The following TBC1D1 variants were observed in gnomAD, a reference collection of about 807,000 sequenced individuals.
TBC1D1 encodes the protein TBC1 (tre-2/USP6, BUB2, cdc16) domain family, member 1.
TBC1D1 carries 89 observed loss-of-function variants against 125.6 expected under a neutral mutation model. The observed-to-expected ratio is 0.71, with a 90% CI of 0.60 to 0.85. The LOEUF is 0.85. Among genes scored for constraint, TBC1D1 ranks in the 40% least tolerant of loss-of-function variants. The pLI, the probability that TBC1D1 is intolerant of heterozygous loss-of-function variation, is 0.00. For missense variants in TBC1D1, 1,377 were observed against 1,469.2 expected, an observed-to-expected ratio of 0.94 and a Z score of 1.03; for synonymous variants, 565 against 564.1, an observed-to-expected ratio of 1.00 and a Z score of -0.02.
chr4:38,125,735 A>G (rs1200595439), intron 18 of TBC1D1, among the ~76,000 whole-genome samples: 1 of 152,200 alleles, frequency 6.6e-6, no homozygotes, highest in African/African-American at 2.4e-5. Flanking sequence ...AATTACAACT[A>G]AACTAGATGG....
chr4:38,080,597 T>G (rs914425884), intron 12 of TBC1D1, among the ~76,000 whole-genome samples: 10 of 152,248 alleles, frequency 6.6e-5, no homozygotes, highest in African/African-American at 2.4e-4. Context: ...AAGGTGGGAC[T>G]GCCCCGCATC....
intron 12 of TBC1D1, among the ~76,000 whole-genome samples, chr4:38,061,086 G>A (rs1468743797): frequency 6.6e-6 from 1 of 152,176 alleles, no homozygotes; most frequent in Admixed American, 6.5e-5. Context: ...GAGTGTGATG[G>A]GGAAAATGCA....
chr4:37,906,840 C>T (rs1289610158), intron 2 of TBC1D1, among the ~76,000 whole-genome samples: 1 of 152,216 alleles, frequency 6.6e-6, no homozygotes, highest in Non-Finnish European at 1.5e-5. Flanking sequence ...AGTAAGGCAG[C>T]ATCTCAAACA....
chr4:38,044,436 G>A lies in TBC1D1; in HGVS notation c.1488G>A (p.Leu496=). The A allele has an allele frequency of 6.2e-7, 1 of 1,613,690 alleles. No individual in the cohort carries two copies. The highest frequency in any genetic ancestry group is 1.1e-5 in the South Asian group (1 of 90,932). ...CCACTCGATTTAGGCTAGATATGCT[G>A]AAAAACAAAGCAAAGAGATCTTTAA... The change falls in exon 9 of 20, where the codon CTG becomes CTA. Residue 496 remains leucine (L), a synonymous_variant. Transcript: ENST00000261439.
intron 7 of TBC1D1, among the ~76,000 whole-genome samples, chr4:38,034,429 A>G (rs1330459564): frequency 6.6e-6 from 1 of 152,254 alleles, no homozygotes; most frequent in African/African-American, 2.4e-5. Context: ...ATCATTAACT[A>G]TCCTTTCCTT....
intron 10 of TBC1D1, among the ~76,000 whole-genome samples, chr4:38,049,050 A>G (rs1749997185): frequency 6.6e-6 from 1 of 152,226 alleles, no homozygotes; most frequent in African/African-American, 2.4e-5. Flanking sequence ...TACAGAAGAA[A>G]TTGAGGTGCA....
chr4:37,947,045 C>T (rs928593166), intron 2 of TBC1D1, among the ~76,000 whole-genome samples: 7 of 152,220 alleles, frequency 4.6e-5, no homozygotes, highest in African/African-American at 1.7e-4. Flanking sequence ...GAACATAGCA[C>T]TGGGGAAGAT....
chr4:37,941,221 G>A (rs1277076126), intron 2 of TBC1D1, among the ~76,000 whole-genome samples: 1 of 152,090 alleles, frequency 6.6e-6, no homozygotes, highest in Non-Finnish European at 1.5e-5. Flanking sequence ...GGTCTATTCA[G>A]GGATTCAACT....
chr4:37,936,488 CT>C (rs2152297495), intron 2 of TBC1D1, among the ~76,000 whole-genome samples: 1 of 152,306 alleles, frequency 6.6e-6, no homozygotes, highest in South Asian at 2.1e-4. Context: ...GTATCTCCAC[CT>C]CCTAGCAGAG....
intron 12 of TBC1D1, among the ~76,000 whole-genome samples, chr4:38,071,292 T>G (rs975366341): frequency 1.3e-5 from 2 of 152,184 alleles, no homozygotes; most frequent in Admixed American, 6.5e-5. Context: ...AAGCACTGTG[T>G]TGCCTAATGC....
intron 17 of TBC1D1, among the ~76,000 whole-genome samples, chr4:38,122,642 G>C (rs528294435): frequency 1.3e-5 from 2 of 152,190 alleles, no homozygotes; most frequent in Non-Finnish European, 2.9e-5. Context: ...TCTCTGCAGC[G>C]TGTTCTTTGT....
chr4:38,044,432 T>G lies in TBC1D1; in HGVS notation c.1484T>G (p.Met495Arg), dbSNP rs754396986. ...AGTGCCACTCGATTTAGGCTAGATA[T>G]GCTGAAAAACAAAGCAAAGAGATCT... Residue 495 changes from methionine to arginine, a missense_variant, in exon 9 of 20, where the codon ATG (methionine) becomes AGG (arginine). Transcript: ENST00000261439. The G allele has an allele frequency of 1.2e-6, 2 of 1,613,714 alleles. No individual in the cohort carries two copies. Among genetic ancestry groups the G allele is most frequent in the Non-Finnish European group, 1.7e-6 (2 of 1,179,988 alleles).
chr4:37,894,133 C>T (rs1391513884), intron 1 of TBC1D1, among the ~76,000 whole-genome samples: 1 of 151,896 alleles, frequency 6.6e-6, no homozygotes, highest in African/African-American at 2.4e-5. Flanking sequence ...GGACTACAGG[C>T]GTGCTCTACC....
At chr4:37,948,228 G>C (rs1191197840) in intron 2 of TBC1D1, among the ~76,000 whole-genome samples, 7 of 152,160 alleles carry the variant, frequency 4.6e-5, no homozygotes, top group Non-Finnish European at 7.4e-5. Flanking sequence ...GAGGGCAGTG[G>C]GTGTGTGAAG....
Position 38,049,706 on chromosome 4 carries a change from C to G in TBC1D1, c.1718C>G (p.Ser573Trp), listed in dbSNP as rs770172853. 1 of 1,614,020 alleles carries G rather than the reference C, an allele frequency of 6.2e-7. No homozygotes were observed. Among genetic ancestry groups the G allele is most frequent in the South Asian group, 1.1e-5 (1 of 91,088 alleles). The change falls in exon 11 of 20, where the codon TCG becomes TGG. Residue 573 changes from serine to tryptophan, a missense_variant. Ser to Trp is a radical substitution (Grantham distance 177). Coordinates refer to ENST00000261439, the MANE Select transcript of TBC1D1 (RefSeq NM_015173.4). ...TCCTCGGAGGACCTGTCCAGTGACTCGGAGAGTCATCTCCCAGAAGAGCCA... is the reference window on the plus strand; with the variant it reads ...TCCTCGGAGGACCTGTCCAGTGACTGGGAGAGTCATCTCCCAGAAGAGCCA...
intron 17 of TBC1D1, among the ~76,000 whole-genome samples, chr4:38,123,647 A>G (rs1764204979): frequency 6.6e-6 from 1 of 152,250 alleles, no homozygotes; most frequent in Non-Finnish European, 1.5e-5. Context: ...ACCCTGAGCC[A>G]TCAGTAGTTG....
intron 2 of TBC1D1, among the ~76,000 whole-genome samples, chr4:37,909,596 G>T (rs1412968670): frequency 6.6e-6 from 1 of 152,098 alleles, no homozygotes; most frequent in East Asian, 1.9e-4. Flanking sequence ...TTTTGTTTCT[G>T]AGGGTGATTA....
intron 11 of TBC1D1, among the ~76,000 whole-genome samples, chr4:38,052,506 A>T (rs1750804913): frequency 6.8e-6 from 1 of 147,752 alleles, no homozygotes; most frequent in Non-Finnish European, 1.5e-5. Context: ...TAATATTTTT[A>T]TTTTTTTTTG....
intron 12 of TBC1D1, among the ~76,000 whole-genome samples, chr4:38,078,379 TAAATC>T (rs1421213031): frequency 2.0e-5 from 3 of 152,240 alleles, no homozygotes; most frequent in African/African-American, 7.2e-5. Context: ...TGTAAAACGT[TAAATC>T]AAACCTGCTT....
Sources: allele counts gnomAD v4.1 joint callset (sites outside exome capture counted in the v4.1 genomes callset), GRCh38; gene constraint gnomAD v4.1.1; transcripts MANE v1.5; gene names NCBI Gene and HGNC (gene_info 2026-07-23, HGNC 2026-07-21).